Variants in COMMD9 observed in about 807,000 individuals in gnomAD.
COMMD9 encodes COMM domain containing 9, also known as COMM domain-containing protein 9.
A neutral mutation model predicts 23.4 loss-of-function variants in COMMD9; 22 were observed. The observed-to-expected ratio is 0.94, with a 90% CI of 0.67 to 1.34. The LOEUF is 1.34. Among genes scored for constraint, COMMD9 ranks in the 40% most tolerant of loss-of-function variants. The pLI is 0.00. For missense variants in COMMD9, 231 were observed against 240.2 expected (o/e 0.96, Z 0.25); for synonymous variants, 99 against 97.4 (o/e 1.02, Z -0.10).
At position 36,274,671 on chromosome 11, in the gene COMMD9, G is replaced by A. The variant is rs771140799; in HGVS notation, c.558C>T (p.Gly186=). The A allele has an allele frequency of 6.2e-7, 1 of 1,614,160 alleles. No homozygotes were observed. Among genetic ancestry groups the A allele is most frequent in the Non-Finnish European group, 8.5e-7 (1 of 1,180,060 alleles). The change falls in exon 6 of 6, where the codon GGC becomes GGT. Residue 186 remains glycine (G), a synonymous_variant. Coordinates refer to ENST00000263401, the MANE Select transcript of COMMD9 (RefSeq NM_014186.4). The part of the protein sequence containing the change: ...ETLDTMLDGL[G]RIRDQLSAVA... ...CGGCAGAGAGTTGGTCTCGGATGCG[G>A]CCCAGGCCATCTAACATGGTGTCCA...
At chr11:36,279,472 C>T (rs1418333489) in intron 2 of COMMD9, among the ~76,000 whole-genome samples, 5 of 152,270 alleles carry the variant, frequency 3.3e-5, no homozygotes, top group Middle Eastern at 3.4e-3. Flanking sequence ...TGACACAACC[C>T]GGAAGTGAAG....
chr11:36,272,873 A>C lies in COMMD9; in HGVS notation c.*1759T>G, dbSNP rs1855901562. The C allele has an allele frequency of 6.6e-6, 1 of 152,216 alleles. No individual in the cohort carries two copies. The highest frequency in any genetic ancestry group is 1.5e-5 in the Non-Finnish European group (1 of 68,028). The allele number at this position is 152,216 out of a possible 1,614,324, so 9.4% of individuals were successfully genotyped here. A position where few individuals can be genotyped will look rare whatever the true frequency, so the allele number is the denominator to read the frequency against. The stretch of plus-strand genomic sequence containing the variant: ...TCTTAATGAGACCATTTACCAGCAG[A>C]TGACTCAATCTCAATGAGCTGGTTT... On this transcript the variant is annotated 3_prime_UTR_variant, in exon 6 of 6. Coordinates refer to ENST00000263401, the MANE Select transcript of COMMD9 (RefSeq NM_014186.4).
chr11:36,273,149 G>C lies in COMMD9; in HGVS notation c.*1483C>G, dbSNP rs942666618. The C allele has an allele frequency of 6.6e-6, 1 of 152,126 alleles. No individual in the cohort carries two copies. The highest frequency in any genetic ancestry group is 1.5e-5 in the Non-Finnish European group (1 of 68,028). 9.4% of individuals were successfully genotyped at this position (152,126 alleles called of 1,614,324 possible). ...CAAAGTGGGTGAAAATTGAGATGTAGAAGTCAAGCACCTTACCACTGAGAA... is the reference window on the plus strand; with the variant it reads ...CAAAGTGGGTGAAAATTGAGATGTACAAGTCAAGCACCTTACCACTGAGAA... On this transcript the variant is annotated 3_prime_UTR_variant, in exon 6 of 6. Coordinates refer to ENST00000263401, the MANE Select transcript of COMMD9 (RefSeq NM_014186.4).
At chr11:36,283,642 A>T (rs1252181374) in intron 1 of COMMD9, among the ~76,000 whole-genome samples, 1 of 152,234 alleles carries the variant, frequency 6.6e-6, no homozygotes, top group Non-Finnish European at 1.5e-5. Context: ...GGCAGGAAAA[A>T]GTAAAATGAA....
chr11:36,273,336 T>C lies in COMMD9; in HGVS notation c.*1296A>G, dbSNP rs1291527517. The C allele has an allele frequency of 6.6e-6, 1 of 152,202 alleles. No homozygotes were observed. The highest frequency in any genetic ancestry group is 6.5e-5 in the Admixed American group (1 of 15,276). The allele number at this position is 152,202 out of a possible 1,614,324, so 9.4% of individuals were successfully genotyped here. A position where few individuals can be genotyped will look rare whatever the true frequency, so the allele number is the denominator to read the frequency against. ...AGCTGTTGCCATGGAGATGATCTGG[T>C]GAGTGAAGGGGGAATCTTCACACAT... On this transcript the variant is annotated 3_prime_UTR_variant, in exon 6 of 6. Transcript: ENST00000263401.
At chr11:36,286,160 T>C (rs914616092) in intron 1 of COMMD9, among the ~76,000 whole-genome samples, 10 of 152,170 alleles carry the variant, frequency 6.6e-5, no homozygotes, top group Admixed American at 1.3e-4. Context: ...CAAAAACTCC[T>C]AGAAACAATG....
At chr11:36,275,519 C>T (rs532774661) in intron 5 of COMMD9, among the ~76,000 whole-genome samples, 1 of 150,836 alleles carries the variant, frequency 6.6e-6, no homozygotes, top group Admixed American at 6.6e-5. Flanking sequence ...TCTCGGCTCA[C>T]TGCAATCTCC....
intron 2 of COMMD9, among the ~76,000 whole-genome samples, chr11:36,279,019 C>T (rs1302781530): frequency 2.6e-5 from 4 of 152,142 alleles, no homozygotes; most frequent in Admixed American, 6.5e-5. Context: ...GTCCAAGGCT[C>T]TGGACTGAGA....
At chr11:36,279,813 C>CA (rs1460304013) in intron 2 of COMMD9, among the ~76,000 whole-genome samples, 1 of 152,072 alleles carries the variant, frequency 6.6e-6, no homozygotes, top group Non-Finnish European at 1.5e-5. Flanking sequence ...AGAATTAAAA[C>CA]AAAAAACATA....
chr11:36,276,395 A>G, intron 4 of COMMD9, 155 bp from the exon 5 acceptor site: 2 of 610,490 alleles, frequency 3.3e-6, no homozygotes, highest in Non-Finnish European at 5.9e-6. Flanking sequence ...CGAGACCCAC[A>G]GCGAGTCATG....
chr11:36,274,082 TC>T lies in COMMD9; in HGVS notation c.*549del. ...AGGGAATTAGCACCCATTTCAGACT[TC>T]CTACACTGAAGAGGGGTTCCAGTAT... On this transcript the variant is annotated 3_prime_UTR_variant, in exon 6 of 6. Coordinates refer to ENST00000263401, the MANE Select transcript of COMMD9 (RefSeq NM_014186.4). 1 of 349,392 alleles carries T rather than the reference TC, an allele frequency of 2.9e-6. No homozygotes were observed. The highest frequency in any genetic ancestry group is 7.5e-5 in the East Asian group (1 of 13,402). The allele number at this position is 349,392 out of a possible 1,614,324, so 21.6% of individuals were successfully genotyped here. A position where few individuals can be genotyped will look rare whatever the true frequency, so the allele number is the denominator to read the frequency against.
In COMMD9 at chr11:36,274,091, G is replaced by A. The variant is rs915707026; in HGVS notation, c.*541C>T. 1 of 358,190 alleles carries A rather than the reference G, an allele frequency of 2.8e-6. No homozygotes were observed. Among genetic ancestry groups the A allele is most frequent in the Non-Finnish European group, 5.6e-6 (1 of 179,792 alleles). The allele number at this position is 358,190 out of a possible 1,614,324, so 22.2% of individuals were successfully genotyped here. On this transcript the variant is annotated 3_prime_UTR_variant, in exon 6 of 6. Transcript: ENST00000263401. Reference sequence around the variant, plus strand: ...GCACCCATTTCAGACTTCCTACACTGAAGAGGGGTTCCAGTATGGTGGAGG... The same window carrying A: ...GCACCCATTTCAGACTTCCTACACTAAAGAGGGGTTCCAGTATGGTGGAGG...
At chr11:36,281,712 C>T (rs1407671233) in intron 1 of COMMD9, among the ~76,000 whole-genome samples, 1 of 152,114 alleles carries the variant, frequency 6.6e-6, no homozygotes, top group Non-Finnish European at 1.5e-5. Flanking sequence ...AAATAAAATC[C>T]ATTCTCAGAA....
In COMMD9 at chr11:36,272,493, C is replaced by G. The variant is rs531330355; in HGVS notation, c.*2139G>C. On this transcript the variant is annotated 3_prime_UTR_variant, in exon 6 of 6. Coordinates refer to ENST00000263401, the MANE Select transcript of COMMD9 (RefSeq NM_014186.4). ...AGAGGAAGGTATCTGACATCTCTCT[C>G]TGCAGGTCATGGGGAATGGAAGGAA... The G allele has an allele frequency of 6.6e-6, 1 of 152,394 alleles. No individual in the cohort carries two copies. Among genetic ancestry groups the G allele is most frequent in the African/African-American group, 2.4e-5 (1 of 41,564 alleles). 9.4% of individuals were successfully genotyped at this position (152,394 alleles called of 1,614,324 possible).
intron 1 of COMMD9, 143 bp downstream of exon 1, chr11:36,289,219 G>T (rs917939540): frequency 9.4e-6 from 6 of 638,140 alleles, no homozygotes; most frequent in African/African-American, 3.7e-5. Flanking sequence ...TCAGAAAGAC[G>T]CAACGATTTG....
rs1438802783 is a variant in COMMD9, at chr11:36,289,403, G to C, written c.10C>G (p.Leu4Val). MAA[L>V]TAEHFAALQS... The stretch of plus-strand genomic sequence containing the variant: ...AGTGCTGCAAAATGCTCCGCTGTCA[G>C]GGCAGCCATCTTGCCGAAGTCACAT... Residue 4 changes from leucine to valine, a missense_variant, in exon 1 of 6, where the codon CTG becomes GTG. Leu to Val is a conservative substitution (Grantham distance 32). Coordinates refer to ENST00000263401, the MANE Select transcript of COMMD9 (RefSeq NM_014186.4). The C allele has an allele frequency of 1.9e-6, 3 of 1,552,016 alleles. No individual in the cohort carries two copies. The highest frequency in any genetic ancestry group is 2.6e-6 in the Non-Finnish European group (3 of 1,147,170).
Position 36,276,204 on chromosome 11 carries a change from A to G in COMMD9, c.389T>C (p.Val130Ala). ...GCTGTCTGAGGAGGTTTTGATATCC[A>G]CTCTCCAGTCCAGATCGACCAGGCG... ...LPRLVDLDWR[V>A]DIKTSSDSIS... Residue 130 changes from valine (V) to alanine (A), a missense_variant, in exon 5 of 6, where the codon GTG becomes GCG. By Grantham distance (64) the Val-to-Ala change is moderately conservative (BLOSUM62 0). Transcript: ENST00000263401. The G allele has an allele frequency of 6.2e-7, 1 of 1,613,838 alleles. No homozygotes were observed. Among genetic ancestry groups the G allele is most frequent in the South Asian group, 1.1e-5 (1 of 91,076 alleles).
At chr11:36,275,576 TG>T (rs1327758184) in intron 5 of COMMD9, among the ~76,000 whole-genome samples, 1 of 152,094 alleles carries the variant, frequency 6.6e-6, no homozygotes, top group Non-Finnish European at 1.5e-5. Flanking sequence ...CCTGAGTAGC[TG>T]GGACTATAGG....
chr11:36,285,157 A>G (rs546366894), intron 1 of COMMD9, among the ~76,000 whole-genome samples: 36 of 152,186 alleles, frequency 2.4e-4, no homozygotes, highest in Non-Finnish European at 4.3e-4. Context: ...AATTATCAGT[A>G]TTAGGAATGA....
Sources: gnomAD v4.1 joint callset for allele counts (sites outside exome capture counted in the v4.1 genomes callset) on GRCh38, gnomAD v4.1.1 for gene constraint, MANE v1.5 for transcripts, NCBI Gene and HGNC (gene_info 2026-07-23, HGNC 2026-07-21) for gene names.